PCDH9: variants seen among roughly 807,000 people sequenced by gnomAD.
PCDH9 encodes protocadherin-9.
PCDH9 carries 24 observed loss-of-function variants against 70.6 expected under a neutral mutation model. That is an observed-to-expected ratio of 0.34 (90% CI 0.25 to 0.48). PCDH9 has a LOEUF of 0.48. PCDH9 is among the 20% of genes least tolerant of loss of function. The pLI, the probability that PCDH9 is intolerant of heterozygous loss-of-function variation, is 0.99. For synonymous variants in PCDH9, 562 were observed against 558.5 expected (o/e 1.01, Z -0.09); for missense variants, 1,281 against 1,503.6 (o/e 0.85, Z 2.45).
intron 4 of PCDH9, among the ~76,000 whole-genome samples, chr13:66,560,413 A>T (rs1024397116): frequency 3.3e-5 from 5 of 152,026 alleles, no homozygotes; most frequent in African/African-American, 1.2e-4. Flanking sequence ...GACCAACACA[A>T]TGTAAGGAGC....
At chr13:66,671,047 T>C (rs996272842) in intron 3 of PCDH9, among the ~76,000 whole-genome samples, 2 of 152,068 alleles carry the variant, frequency 1.3e-5, no homozygotes, top group Non-Finnish European at 2.9e-5. Flanking sequence ...ATGGGTTGTG[T>C]TTTTCCCATT....
chr13:67,153,014 C>A (rs900543594), intron 2 of PCDH9, among the ~76,000 whole-genome samples: 3 of 152,016 alleles, frequency 2.0e-5, no homozygotes, highest in Middle Eastern at 3.2e-3. Flanking sequence ...ATCACTCCCA[C>A]CTGGAAGTGC....
At chr13:67,178,438 T>C (rs1200564474) in intron 2 of PCDH9, among the ~76,000 whole-genome samples, 1 of 152,122 alleles carries the variant, frequency 6.6e-6, no homozygotes, top group Non-Finnish European at 1.5e-5. Flanking sequence ...TTTCTTACTA[T>C]TGTGATTTCT....
Position 66,497,234 on chromosome 13 carries a change from AT to A in PCDH9, c.3340+133975del, listed in dbSNP as rs199954708. Among the ~76,000 whole-genome samples the A allele has an allele frequency of 6.3e-3, 902 of 143,750 alleles. 29 individuals carry two copies. In the East Asian group the frequency reaches 0.094, roughly 15 times the overall value. The allele number at this position is 143,750 out of a possible 152,430, so 94.3% of individuals were successfully genotyped here. ...CAAGCATGTGTCACCACACCTGGCT[AT>A]TTTTTTTTTTGTATTTTTGGTAGAA... On this transcript the variant is annotated intron_variant, in intron 4 of 4. Coordinates refer to ENST00000377865, the MANE Select transcript of PCDH9 (RefSeq NM_203487.3).
chr13:67,206,753 C>G (rs571643535), intron 2 of PCDH9: 2 of 152,156 alleles, frequency 1.3e-5, no homozygotes, highest in Non-Finnish European at 2.9e-5. Context: ...CTGAACCATT[C>G]AGGCACAGGG....
intron 4 of PCDH9, among the ~76,000 whole-genome samples, chr13:66,507,764 C>T (rs1040939339): frequency 1.3e-5 from 2 of 152,016 alleles, no homozygotes; most frequent in Admixed American, 6.6e-5. Flanking sequence ...CTCTGGCGCC[C>T]AGGCTGGAGT....
chr13:66,392,816 C>G lies in PCDH9; in HGVS notation c.3341-87788G>C, dbSNP rs1311981572. Among the ~76,000 whole-genome samples, 4 of 151,794 alleles carry G rather than the reference C, an allele frequency of 2.6e-5. No individual in the cohort carries two copies. The South Asian group carries it at 6.2e-4, about 24-fold the overall frequency. On this transcript the variant is annotated intron_variant, in intron 4 of 4. Coordinates refer to ENST00000377865, the MANE Select transcript of PCDH9 (RefSeq NM_203487.3). ...ACCATGACTGAGCTAAAAAGAAGTT[C>G]CCTATCTCTGCAAGCAGCATATTGC...
At chr13:66,441,513 G>T (rs1282104997) in intron 4 of PCDH9, among the ~76,000 whole-genome samples, 1 of 152,118 alleles carries the variant, frequency 6.6e-6, no homozygotes, top group African/African-American at 2.4e-5. Context: ...TATTCTAACA[G>T]AATTGATTTT....
intron 3 of PCDH9, among the ~76,000 whole-genome samples, chr13:66,823,035 C>A (rs1004742680): frequency 6.6e-6 from 1 of 151,422 alleles, no homozygotes; most frequent in African/African-American, 2.4e-5. Context: ...TTTTAGATAT[C>A]GTAATACATA....
intron 2 of PCDH9, chr13:67,216,442 T>C (rs1232762420): frequency 6.6e-6 from 1 of 151,830 alleles, no homozygotes; most frequent in Non-Finnish European, 1.5e-5. Context: ...CTACCATCTC[T>C]TTTATGTTGG....
At chr13:66,897,363 A>G (rs1287850437) in intron 3 of PCDH9, among the ~76,000 whole-genome samples, 1 of 152,252 alleles carries the variant, frequency 6.6e-6, no homozygotes, top group Non-Finnish European at 1.5e-5. Context: ...TTTCCCCTCT[A>G]AAGAAGTCTC....
intron 4 of PCDH9, among the ~76,000 whole-genome samples, chr13:66,407,388 T>C (rs920816838): frequency 6.6e-6 from 1 of 152,176 alleles, no homozygotes; most frequent in Non-Finnish European, 1.5e-5. Flanking sequence ...ACTAATAGCC[T>C]TTCTTTGTTA....
chr13:67,043,782 T>C (rs1460523577), intron 2 of PCDH9, among the ~76,000 whole-genome samples: 2 of 152,136 alleles, frequency 1.3e-5, no homozygotes. Flanking sequence ...TTACTAACTT[T>C]TGTGGCCATA....
In PCDH9 at chr13:66,872,198, T is replaced by C. The variant is rs570977590; in HGVS notation, c.3138+31306A>G. On this transcript the variant is annotated intron_variant, in intron 3 of 4. Transcript: ENST00000377865. The stretch of plus-strand genomic sequence containing the variant: ...GCTGATATATTGTAGATCTTTGACT[T>C]CAATATGGTGAAATATAGCTTTCAT... Among the ~76,000 whole-genome samples, 8 of 152,274 alleles carry C rather than the reference T, an allele frequency of 5.3e-5. 2 individuals are homozygous for C. Among genetic ancestry groups the C allele is most frequent in the African/African-American group, 1.9e-4 (8 of 41,564 alleles).
chr13:66,555,270 T>C lies in PCDH9; in HGVS notation c.3340+75940A>G, dbSNP rs540172025. ...AAAAGAGTCATTTCACAGAAACCAATAGTACTTTCTTTCAAGTGTTTTTTG... is the reference window on the plus strand; with the variant it reads ...AAAAGAGTCATTTCACAGAAACCAACAGTACTTTCTTTCAAGTGTTTTTTG... On this transcript the variant is annotated intron_variant, in intron 4 of 4. Coordinates refer to ENST00000377865, the MANE Select transcript of PCDH9 (RefSeq NM_203487.3). Among the ~76,000 whole-genome samples the C allele has an allele frequency of 3.3e-5, 5 of 152,260 alleles. No individual in the cohort carries two copies. The East Asian group carries it at 5.8e-4, about 18-fold the overall frequency.
intron 2 of PCDH9, among the ~76,000 whole-genome samples, chr13:67,199,367 C>T (rs749968789): frequency 4.0e-5 from 6 of 151,690 alleles, no homozygotes; most frequent in Admixed American, 1.3e-4. Flanking sequence ...CCTTCCCCTG[C>T]ACTCTATTCT....
At chr13:67,004,472 G>A (rs1041220067) in intron 2 of PCDH9, among the ~76,000 whole-genome samples, 5 of 149,952 alleles carry the variant, frequency 3.3e-5, no homozygotes, top group East Asian at 2.0e-4. Context: ...TCAGAGAATC[G>A]CTTGAACCCG....
At chr13:66,459,713 A>T (rs1958385629) in intron 4 of PCDH9, among the ~76,000 whole-genome samples, 1 of 152,004 alleles carries the variant, frequency 6.6e-6, no homozygotes, top group Admixed American at 6.6e-5. Context: ...ATGAAGACAA[A>T]ATGTATTCGC....
rs2324990 is a variant in PCDH9, at chr13:66,788,404, G to T, written c.3138+115100C>A. Among the ~76,000 whole-genome samples the T allele has an allele frequency of 1.2e-3, 178 of 152,260 alleles. 1 individual carries two copies. The highest frequency in any genetic ancestry group is 5.0e-3 in the South Asian group (24 of 4,826). The stretch of plus-strand genomic sequence containing the variant: ...AGCATTAACCTTGGGTAAGTTATAT[G>T]ATTCACTTGACTTTCTCCTGCCTCA... On this transcript the variant is annotated intron_variant, in intron 3 of 4. Transcript: ENST00000377865.
Sources: gnomAD v4.1 joint callset for allele counts (sites outside exome capture counted in the v4.1 genomes callset) on GRCh38, gnomAD v4.1.1 for gene constraint, MANE v1.5 for transcripts, NCBI Gene and HGNC (gene_info 2026-07-23, HGNC 2026-07-21) for gene names.